SNTG2: variants seen among roughly 807,000 people sequenced by gnomAD.
SNTG2 encodes the protein gamma-2-syntrophin.
Under a neutral mutation model 70.9 loss-of-function variants are expected in SNTG2, and 74 were observed. The ratio of observed to expected loss-of-function variants is 1.04; its 90% CI spans 0.86 to 1.27. SNTG2 has a LOEUF of 1.27. SNTG2 is among the 50% of genes most tolerant of loss of function. The pLI is 0.00. For missense variants in SNTG2, 717 were observed against 690.7 expected, an observed-to-expected ratio of 1.04 and a Z score of -0.43; for synonymous variants, 278 against 273.8, an observed-to-expected ratio of 1.02 and a Z score of -0.15.
At chr2:1,293,823 C>G (rs1172456691) in intron 14 of SNTG2, among the ~76,000 whole-genome samples, 3 of 152,196 alleles carry the variant, frequency 2.0e-5, no homozygotes, top group Non-Finnish European at 2.9e-5. Context: ...GACCCTCTGG[C>G]AGGCTTCCTT....
At chr2:1,223,979 G>C (rs548051252) in intron 9 of SNTG2, among the ~76,000 whole-genome samples, 1 of 152,162 alleles carries the variant, frequency 6.6e-6, no homozygotes. Context: ...CGTCCCTCGA[G>C]CTCTGAAGGC....
At chr2:1,149,248 C>T (rs2147799249) in intron 6 of SNTG2, among the ~76,000 whole-genome samples, 1 of 144,958 alleles carries the variant, frequency 6.9e-6, no homozygotes, top group African/African-American at 2.6e-5. Flanking sequence ...GTGAGGCTTA[C>T]AGGTGGGGAG....
At chr2:1,146,206 A>G (rs1413098244) in intron 6 of SNTG2, among the ~76,000 whole-genome samples, 1 of 152,332 alleles carries the variant, frequency 6.6e-6, no homozygotes, top group Non-Finnish European at 1.5e-5. Flanking sequence ...TGGATGTGGA[A>G]TGCAAGGTTA....
chr2:1,017,836 A>T (rs1034705997), intron 1 of SNTG2, among the ~76,000 whole-genome samples: 1 of 152,182 alleles, frequency 6.6e-6, no homozygotes, highest in African/African-American at 2.4e-5. Flanking sequence ...ATGCATCAAT[A>T]ACTGTCAGGT....
intron 9 of SNTG2, 42 bp downstream of exon 9, chr2:1,209,272 C>T (rs560068704): frequency 1.1e-5 from 18 of 1,611,782 alleles, no homozygotes; most frequent in East Asian, 6.7e-5. Context: ...TGATGAACCC[C>T]GTGCACTTTT....
rs567686145 is a variant in SNTG2, at chr2:1,264,561, C to T, written c.1078-2804C>T. Among the ~76,000 whole-genome samples, 7 of 152,320 alleles carry T rather than the reference C, an allele frequency of 4.6e-5. No homozygotes were observed. In the East Asian group the frequency reaches 1.3e-3, roughly 29 times the overall value. ...AAAAGCTGAATTGTTTGCTGTGCAC[C>T]ACAGATTGAGGTCTGCAGCGTGGTT... On this transcript the variant is annotated intron_variant, in intron 13 of 16. Transcript: ENST00000308624.
At chr2:1,359,452 T>G (rs986968395) in intron 16 of SNTG2, among the ~76,000 whole-genome samples, 1 of 152,210 alleles carries the variant, frequency 6.6e-6, no homozygotes, top group Non-Finnish European at 1.5e-5. Context: ...ATATTTTTCT[T>G]TGTCTCTTGT....
chr2:1,233,637 A>G (rs1220779942), intron 9 of SNTG2, among the ~76,000 whole-genome samples: 1 of 152,232 alleles, frequency 6.6e-6, no homozygotes, highest in Non-Finnish European at 1.5e-5. Flanking sequence ...CTGAGCACGT[A>G]ACTTCAATTC....
At chr2:1,360,581 C>T (rs1182504452) in intron 16 of SNTG2, among the ~76,000 whole-genome samples, 1 of 152,104 alleles carries the variant, frequency 6.6e-6, no homozygotes, top group Non-Finnish European at 1.5e-5. Flanking sequence ...TTCTATTTCC[C>T]TTATATTTGT....
At chr2:1,056,905 T>C (rs555697337) in intron 1 of SNTG2, among the ~76,000 whole-genome samples, 2 of 49,106 alleles carry the variant, frequency 4.1e-5, no homozygotes, top group African/African-American at 9.6e-5. Context: ...AGGGAGAGCG[T>C]CGCGCTGTGC....
chr2:1,133,126 G>A (rs78042956), intron 4 of SNTG2, among the ~76,000 whole-genome samples: 3,739 of 152,208 alleles, frequency 0.025, 182 homozygotes, highest in African/African-American at 0.086. Context: ...GTTTAAATAC[G>A]TCCATAAGGA....
At chr2:973,564 G>GT (rs1336578521) in intron 1 of SNTG2, among the ~76,000 whole-genome samples, 6 of 151,192 alleles carry the variant, frequency 4.0e-5, no homozygotes, top group East Asian at 3.9e-4. Flanking sequence ...GGATATAGTT[G>GT]TTTTTTACTA....
intron 7 of SNTG2, among the ~76,000 whole-genome samples, chr2:1,170,157 A>G (rs1037073081): frequency 3.7e-4 from 51 of 138,948 alleles, no homozygotes; most frequent in Middle Eastern, 3.4e-3. Context: ...TCAAAGAGAA[A>G]ATAAACAACC....
At chr2:1,320,932 T>C (rs1681492684) in intron 16 of SNTG2, among the ~76,000 whole-genome samples, 1 of 152,238 alleles carries the variant, frequency 6.6e-6, no homozygotes, top group Non-Finnish European at 1.5e-5. Context: ...CATTTTTGCC[T>C]CTAGGCTGAG....
chr2:1,037,002 C>G (rs561873483), intron 1 of SNTG2, among the ~76,000 whole-genome samples: 1 of 152,182 alleles, frequency 6.6e-6, no homozygotes, highest in African/African-American at 2.4e-5. Flanking sequence ...GGGGTGGACT[C>G]AGCTCCCAGG....
intron 2 of SNTG2, among the ~76,000 whole-genome samples, chr2:1,089,257 G>T (rs1319053462): frequency 6.6e-6 from 1 of 152,092 alleles, no homozygotes; most frequent in Non-Finnish European, 1.5e-5. Context: ...TTATTTAATG[G>T]TACCCAGAAT....
intron 16 of SNTG2, among the ~76,000 whole-genome samples, chr2:1,342,170 AG>A (rs1316782984): frequency 2.0e-5 from 3 of 152,246 alleles, no homozygotes; most frequent in Non-Finnish European, 4.4e-5. Context: ...ACCTCAGGGC[AG>A]GGATCTCACT....
intron 6 of SNTG2, among the ~76,000 whole-genome samples, chr2:1,141,258 T>C (rs6758525): frequency 0.048 from 7,367 of 152,286 alleles, 545 homozygotes; most frequent in African/African-American, 0.16. Context: ...TGGTTAATAC[T>C]GAAACAGGAC....
intron 13 of SNTG2, among the ~76,000 whole-genome samples, chr2:1,266,023 C>T (rs577741565): frequency 2.0e-5 from 3 of 152,004 alleles, no homozygotes; most frequent in South Asian, 4.2e-4. Context: ...AATGGGTGAG[C>T]TGAGAACTGA....
Sources: allele counts gnomAD v4.1 joint callset (sites outside exome capture counted in the v4.1 genomes callset), GRCh38; gene constraint gnomAD v4.1.1; transcripts MANE v1.5; gene names NCBI Gene and HGNC (gene_info 2026-07-23, HGNC 2026-07-21).